Variants in MAPKAPK5 observed in about 807,000 individuals in gnomAD.
MAPKAPK5 encodes the protein MAPK activated protein kinase 5, also known as MAP kinase-activated protein kinase 5.
Under a neutral mutation model 65.1 loss-of-function variants are expected in MAPKAPK5, and 30 were observed. That is an observed-to-expected ratio of 0.46 (90% CI 0.34 to 0.63). The LOEUF (loss-of-function observed/expected upper bound fraction) is 0.63. Among genes scored for constraint, MAPKAPK5 ranks in the 20% least tolerant of loss-of-function variants. The pLI, the probability that MAPKAPK5 is intolerant of heterozygous loss-of-function variation, is 0.01. For synonymous variants in MAPKAPK5, 179 were observed against 204.6 expected, an observed-to-expected ratio of 0.87 and a Z score of 1.07; for missense variants, 433 against 581.4, an observed-to-expected ratio of 0.74 and a Z score of 2.63.
chr12:111,887,365 C>A (rs2070437306), intron 10 of MAPKAPK5, among the ~76,000 whole-genome samples: 1 of 152,070 alleles, frequency 6.6e-6, no homozygotes, highest in African/African-American at 2.4e-5. Context: ...AGAGGTTACT[C>A]AAGATCTTAA....
intron 8 of MAPKAPK5, among the ~76,000 whole-genome samples, chr12:111,880,931 G>T (rs557811503): frequency 6.6e-6 from 1 of 152,172 alleles, no homozygotes; most frequent in South Asian, 2.1e-4. Flanking sequence ...AGACACAGAC[G>T]CTAGAGAACA....
At position 111,899,905 on chromosome 12, in the gene MAPKAPK5, G is replaced by T. The variant is rs890211672; in HGVS notation, c.*6844G>T. On this transcript the variant is annotated 3_prime_UTR_variant, in exon 14 of 14. Transcript: ENST00000550735. Reference sequence around the variant, plus strand: ...GTGTCTACTAGCTGGCAACAAGGGAGCAGGAAGCCTCATGATCTACAGGCA... The same window carrying T: ...GTGTCTACTAGCTGGCAACAAGGGATCAGGAAGCCTCATGATCTACAGGCA... The T allele has an allele frequency of 1.5e-5, 7 of 455,960 alleles. No individual in the cohort carries two copies. Among genetic ancestry groups the T allele is most frequent in the Admixed American group, 1.4e-4 (6 of 42,560 alleles). 28.2% of individuals were successfully genotyped at this position (455,960 alleles called of 1,614,324 possible).
chr12:111,860,191 C>T (rs772067548), intron 1 of MAPKAPK5, among the ~76,000 whole-genome samples: 15 of 152,180 alleles, frequency 9.9e-5, no homozygotes, highest in Non-Finnish European at 1.6e-4. Context: ...ATACTTTCAG[C>T]CCCTGAGGCT....
chr12:111,878,613 G>T (rs1372563848), intron 7 of MAPKAPK5, among the ~76,000 whole-genome samples: 1 of 151,944 alleles, frequency 6.6e-6, no homozygotes, highest in Non-Finnish European at 1.5e-5. Context: ...TAGAGACGGG[G>T]TTTCACCATG....
intron 13 of MAPKAPK5, 57 bp from the exon 14 acceptor site, chr12:111,892,908 AAG>A (rs1365197242): frequency 2.3e-6 from 3 of 1,284,474 alleles, no homozygotes; most frequent in Non-Finnish European, 3.3e-6. Context: ...GGTCTCTGTC[AAG>A]AGTCTGCCAC....
At chr12:111,888,327 TG>T in intron 10 of MAPKAPK5, 160 bp from the exon 11 acceptor site, 1 of 944,124 alleles carries the variant, frequency 1.1e-6, no homozygotes. Flanking sequence ...TGTTGATCCA[TG>T]GGGAAAAGTC....
intron 7 of MAPKAPK5, among the ~76,000 whole-genome samples, chr12:111,878,416 T>C (rs1593169206): frequency 7.3e-6 from 1 of 137,152 alleles, no homozygotes; most frequent in Non-Finnish European, 1.5e-5. Context: ...TTATTATTTA[T>C]TTATTTATTT....
At position 111,883,503 on chromosome 12, in the gene MAPKAPK5, A is replaced by G; in HGVS notation, c.661-78A>G. 1 of 1,270,264 alleles carries G rather than the reference A, an allele frequency of 7.9e-7. No homozygotes were observed. Among genetic ancestry groups the G allele is most frequent in the Non-Finnish European group, 1.1e-6 (1 of 895,026 alleles). 78.7% of individuals were successfully genotyped at this position (1,270,264 alleles called of 1,614,324 possible). ...TATCAGCCTATATATTGCAGGGGCT[A>G]TTCCTGAGCCTGTCATGGGGTGTTT... is the stretch of plus-strand genomic sequence containing the variant. On this transcript the variant is annotated intron_variant, in intron 8 of 13. Coordinates refer to ENST00000550735, the MANE Select transcript of MAPKAPK5 (RefSeq NM_003668.4). The surrounding 1 kb of genome is among the most constrained non-coding windows in gnomAD (Gnocchi z 4.8).
Position 111,901,092 on chromosome 12 carries a change from A to G in MAPKAPK5, c.*8031A>G. ...AAAAATCAATCTCCAACATACAATG[A>G]TTCAGGTCCCTCAGGGAGATGGCTC... On this transcript the variant is annotated 3_prime_UTR_variant, in exon 14 of 14. Transcript: ENST00000550735. 4 of 456,098 alleles carry G rather than the reference A, an allele frequency of 8.8e-6. No homozygotes were observed. The highest frequency in any genetic ancestry group is 3.3e-4 in the Middle Eastern group (1 of 3,070). 28.3% of individuals were successfully genotyped at this position (456,098 alleles called of 1,614,324 possible).
chr12:111,845,262 C>G (rs545034813), intron 1 of MAPKAPK5, among the ~76,000 whole-genome samples: 52 of 152,212 alleles, frequency 3.4e-4, no homozygotes, highest in Admixed American at 7.2e-4. Flanking sequence ...GTAGCTGGGA[C>G]TACAGGCGCA....
rs78805735 is a variant in MAPKAPK5 at position 111,849,109 on chromosome 12, A to T, written c.36+6340A>T. ...TATTGAGTTATAGGATTATTTATTTATTTTTTTATTAATTTTTTTAGAGAT... is the reference window on the plus strand; with the variant it reads ...TATTGAGTTATAGGATTATTTATTTTTTTTTTTATTAATTTTTTTAGAGAT... On this transcript the variant is annotated intron_variant, in intron 1 of 13. Transcript: ENST00000550735. 3.5e-3 allele frequency among the ~76,000 whole-genome samples: 520 copies of T among 150,630 alleles called. 1 individual carries two copies. Among genetic ancestry groups the T allele is most frequent in the Middle Eastern group, 0.014 (4 of 282 alleles).
At position 111,890,043 on chromosome 12, in the gene MAPKAPK5, A is replaced by G; in HGVS notation, c.1220A>G (p.Glu407Gly). Residue 407 changes from glutamate to glycine, a missense_variant, in exon 13 of 14, where the codon GAG becomes GGG. Around this residue, in one of 3 missense-constraint regions of MAPKAPK5, gnomAD observed 169 missense variants for 215.6 expected, o/e 0.78. Transcript: ENST00000550735. The stretch of plus-strand genomic sequence containing the variant: ...TCCTCTTCATCCTTACCAATAGGAG[A>G]GAATGAAGATGAGAAACTGAATGAA... ...IAQCILPQAG[E>G]NEDEKLNEVM... is the part of the protein sequence containing the mutation. 6.3e-7 allele frequency: 1 copy of G among 1,581,096 alleles called. No homozygotes were observed.
chr12:111,867,447 GT>G, intron 3 of MAPKAPK5, 124 bp from the exon 4 acceptor site: 4 of 620,732 alleles, frequency 6.4e-6, no homozygotes, highest in Non-Finnish European at 1.1e-5. Context: ...AAAACACTGG[GT>G]TTTTACATCA....
chr12:111,856,758 T>C (rs1288215637), intron 1 of MAPKAPK5, among the ~76,000 whole-genome samples: 1 of 152,174 alleles, frequency 6.6e-6, no homozygotes, highest in Non-Finnish European at 1.5e-5. Flanking sequence ...TATGTATATA[T>C]TACAAACCAG....
At chr12:111,874,067 A>C (rs959309709) in intron 7 of MAPKAPK5, among the ~76,000 whole-genome samples, 1 of 152,092 alleles carries the variant, frequency 6.6e-6, no homozygotes, top group Admixed American at 6.6e-5. Flanking sequence ...TTTATCCTTA[A>C]ATTTTGTTTT....
chr12:111,864,932 C>G (rs986638666), intron 1 of MAPKAPK5, among the ~76,000 whole-genome samples: 9 of 152,138 alleles, frequency 5.9e-5, no homozygotes, highest in African/African-American at 2.2e-4. Context: ...GTAATTGATG[C>G]ATTTTGAAAG....
intron 1 of MAPKAPK5, among the ~76,000 whole-genome samples, chr12:111,855,912 A>G (rs1420541624): frequency 6.7e-6 from 1 of 149,414 alleles, no homozygotes; most frequent in Admixed American, 6.7e-5. Context: ...CTGGAGTGCA[A>G]TGGCGTGATC....
intron 8 of MAPKAPK5, among the ~76,000 whole-genome samples, chr12:111,881,402 C>CTTTTTTTTT (rs1274226182): frequency 0.039 from 4,581 of 116,186 alleles, 438 homozygotes; most frequent in East Asian, 0.11. Context: ...CCTGTCTGTT[C>CTTTTTTTTT]CTTTTTTTTT....
At chr12:111,886,581 A>C (rs561997414) in intron 10 of MAPKAPK5, among the ~76,000 whole-genome samples, 2 of 152,270 alleles carry the variant, frequency 1.3e-5, no homozygotes, top group Non-Finnish European at 2.9e-5. Flanking sequence ...GAAGAATTTG[A>C]GTAGACAGTG....
Sources: allele counts gnomAD v4.1 joint callset (sites outside exome capture counted in the v4.1 genomes callset), GRCh38; gene constraint gnomAD v4.1.1; regional missense constraint gnomAD v4.1.1; non-coding constraint Gnocchi (gnomAD v3.1); transcripts MANE v1.5; gene names NCBI Gene and HGNC (gene_info 2026-07-23, HGNC 2026-07-21).